The following ESRP1 variants were observed in gnomAD, a reference collection of about 807,000 sequenced individuals.
ESRP1 encodes RNA-binding motif protein 35A.
In ESRP1, 33 loss-of-function variants were observed where a neutral mutation model predicts 81.7. The observed-to-expected ratio is 0.40, with a 90% CI of 0.31 to 0.54. ESRP1 has a LOEUF of 0.54. ESRP1 is among the 20% of genes least tolerant of loss of function. ESRP1 has a pLI of 0.41. For missense variants in ESRP1, 672 were observed against 833.1 expected (o/e 0.81, Z 2.38); for synonymous variants, 320 against 303.3 (o/e 1.06, Z -0.57).
At chr8:94,653,714 C>T (rs902462958) in intron 4 of ESRP1, among the ~76,000 whole-genome samples, 1 of 152,030 alleles carries the variant, frequency 6.6e-6, no homozygotes, top group African/African-American at 2.4e-5. Flanking sequence ...TGAGCTGGGG[C>T]TTTATAATTG....
chr8:94,692,714 A>G lies in ESRP1; in HGVS notation c.1858A>G (p.Thr620Ala), dbSNP rs371747578. ...GCCTAATAGTCTTGGCTACTTCCCTACAGCTGCTAATCTTAGCGGTGTCCC... is the reference window on the plus strand; with the variant it reads ...GCCTAATAGTCTTGGCTACTTCCCTGCAGCTGCTAATCTTAGCGGTGTCCC... ...GSPNSLGYFP[T>A]AANLSGVPPQ... is the part of the protein sequence containing the mutation. The change falls in exon 14 of 16, where the codon ACA becomes GCA. Residue 620 changes from threonine to alanine, a missense_variant. Transcript: ENST00000433389. 3.7e-6 allele frequency: 6 copies of G among 1,613,692 alleles called. No homozygotes were observed. In the African/African-American group the frequency reaches 8.0e-5, roughly 22 times the overall value.
At chr8:94,703,993 T>C (rs1007649592) in intron 15 of ESRP1, among the ~76,000 whole-genome samples, 8 of 152,212 alleles carry the variant, frequency 5.3e-5, no homozygotes, top group Non-Finnish European at 1.0e-4. Flanking sequence ...CCTTTCAGCA[T>C]GTGGTATTTT....
chr8:94,654,497 A>G (rs759748040), intron 4 of ESRP1, among the ~76,000 whole-genome samples: 1 of 152,148 alleles, frequency 6.6e-6, no homozygotes, highest in Non-Finnish European at 1.5e-5. Context: ...ATGAGACCCT[A>G]TCTCCATCTT....
In ESRP1 at chr8:94,695,348, C is replaced by CTTTTTTTTTTT. The variant is rs1177357708; in HGVS notation, c.1972-1490_1972-1480dup. ...GAGTAAATAAAATTTCTTTTTCTTT[C>CTTTTTTTTTTT]TTTTTTTTTTTTTTTTTTTTTTTTG... On this transcript the variant is annotated intron_variant, in intron 14 of 15. Coordinates refer to ENST00000433389, the MANE Select transcript of ESRP1 (RefSeq NM_017697.4). 8.0e-3 allele frequency among the ~76,000 whole-genome samples: 491 copies of CTTTTTTTTTTT among 61,178 alleles called. 2 individuals carry two copies. Among genetic ancestry groups the CTTTTTTTTTTT allele is most frequent in the Middle Eastern group, 0.02 (2 of 100 alleles). 40.1% of individuals were successfully genotyped at this position (61,178 alleles called of 152,430 possible).
At chr8:94,699,065 T>G (rs1260177411) in intron 15 of ESRP1, among the ~76,000 whole-genome samples, 2 of 152,172 alleles carry the variant, frequency 1.3e-5, no homozygotes, top group Admixed American at 6.6e-5. Flanking sequence ...TGTTCATTGT[T>G]GAACACCATG....
At chr8:94,672,660 G>A (rs1352716713) in intron 11 of ESRP1, among the ~76,000 whole-genome samples, 1 of 152,040 alleles carries the variant, frequency 6.6e-6, no homozygotes, top group Admixed American at 6.6e-5. Context: ...AGCTTCCCGA[G>A]TAGCTGGGAT....
chr8:94,665,293 GT>G, intron 9 of ESRP1, 97 bp downstream of exon 9: 4 of 1,204,140 alleles, frequency 3.3e-6, no homozygotes, highest in Non-Finnish European at 4.7e-6. Context: ...GTCATGAATG[GT>G]TTTTATTTTC....
At chr8:94,693,239 A>G (rs573168548) in intron 14 of ESRP1, among the ~76,000 whole-genome samples, 8 of 152,316 alleles carry the variant, frequency 5.3e-5, no homozygotes, top group African/African-American at 1.9e-4. Flanking sequence ...GTATTTAAAC[A>G]TGGCCAGAGG....
chr8:94,701,630 A>C (rs1369844015), intron 15 of ESRP1, among the ~76,000 whole-genome samples: 1 of 150,470 alleles, frequency 6.6e-6, no homozygotes, highest in African/African-American at 2.5e-5. Flanking sequence ...GTCCCCATAG[A>C]GACAAGGTCT....
chr8:94,690,302 TTTG>T (rs1809346727), intron 13 of ESRP1, among the ~76,000 whole-genome samples: 3 of 67,852 alleles, frequency 4.4e-5, no homozygotes, highest in Non-Finnish European at 1.1e-4. Flanking sequence ...TTTTTTTTTT[TTTG>T]GATTTTTAGT....
chr8:94,669,298 A>G (rs1554578007), intron 10 of ESRP1, among the ~76,000 whole-genome samples: 1 of 152,190 alleles, frequency 6.6e-6, no homozygotes, highest in Non-Finnish European at 1.5e-5. Flanking sequence ...CCATAGTAGA[A>G]TAGTGATTCA....
intron 4 of ESRP1, among the ~76,000 whole-genome samples, chr8:94,657,482 T>TGTGG (rs1312232922): frequency 1.3e-5 from 2 of 151,062 alleles, no homozygotes; most frequent in Non-Finnish European, 3.0e-5. Context: ...CGTGTGTGTG[T>TGTGG]GTGTGTGTGT....
chr8:94,691,696 C>T (rs999115676), intron 13 of ESRP1, among the ~76,000 whole-genome samples: 2 of 152,056 alleles, frequency 1.3e-5, no homozygotes, highest in South Asian at 2.1e-4. Flanking sequence ...CTTTTAGTCC[C>T]TTCTATTATG....
chr8:94,663,722 C>T lies in ESRP1; in HGVS notation c.645-975C>T, dbSNP rs143587190. Among the ~76,000 whole-genome samples, 9 of 151,952 alleles carry T rather than the reference C, an allele frequency of 5.9e-5. No homozygotes were observed. In the East Asian group the frequency reaches 1.5e-3, roughly 26 times the overall value. ...TGCCCATAGAGAGAGACTTTGAGGC[C>T]GATTAGTTGTGGAGAAAGTGACTTA... On this transcript the variant is annotated intron_variant, in intron 6 of 15. Transcript: ENST00000433389.
intron 14 of ESRP1, among the ~76,000 whole-genome samples, chr8:94,694,690 G>T (rs553199202): frequency 6.6e-6 from 1 of 152,320 alleles, no homozygotes; most frequent in East Asian, 1.9e-4. Context: ...ATGACTAAAA[G>T]ATTCACATTC....
intron 4 of ESRP1, among the ~76,000 whole-genome samples, chr8:94,660,216 C>A (rs1041192344): frequency 3.9e-5 from 6 of 152,196 alleles, no homozygotes; most frequent in Non-Finnish European, 8.8e-5. Flanking sequence ...GCTTCAAAAG[C>A]TGATTCTCTT....
At chr8:94,679,951 TATA>T (rs1246983942) in intron 13 of ESRP1, among the ~76,000 whole-genome samples, 1 of 152,124 alleles carries the variant, frequency 6.6e-6, no homozygotes, top group Admixed American at 6.6e-5. Flanking sequence ...AGAGTAAAAA[TATA>T]ATTTAAGTTT....
At chr8:94,669,597 G>T (rs573057505) in intron 10 of ESRP1, among the ~76,000 whole-genome samples, 44 of 152,218 alleles carry the variant, frequency 2.9e-4, no homozygotes, top group African/African-American at 1.0e-3. Flanking sequence ...CAGGCGCAGT[G>T]GCTCACGCCT....
chr8:94,647,679 C>A (rs1020115055), intron 4 of ESRP1, among the ~76,000 whole-genome samples: 16 of 152,182 alleles, frequency 1.1e-4, no homozygotes, highest in South Asian at 6.2e-4. Context: ...GGGGGTTGGG[C>A]TTCAACATAG....
Sources: allele counts gnomAD v4.1 joint callset (sites outside exome capture counted in the v4.1 genomes callset), GRCh38; gene constraint gnomAD v4.1.1; transcripts MANE v1.5; gene names NCBI Gene and HGNC (gene_info 2026-07-23, HGNC 2026-07-21).